The following SLC9B1 variants were observed in gnomAD, a reference collection of about 807,000 sequenced individuals.
SLC9B1 encodes the protein solute carrier family 9 member B1, also known as sodium/hydrogen exchanger 9B1.
SLC9B1 carries 32 observed loss-of-function variants against 51.7 expected under a neutral mutation model. That is an observed-to-expected ratio of 0.62 (90% CI 0.47 to 0.83). The LOEUF is 0.83. Among genes scored for constraint, SLC9B1 ranks in the 40% least tolerant of loss-of-function variants. SLC9B1 has a pLI of 0.00. For synonymous variants in SLC9B1, 145 were observed against 212.7 expected, an observed-to-expected ratio of 0.68 and a Z score of 2.77; for missense variants, 406 against 613.2, an observed-to-expected ratio of 0.66 and a Z score of 3.57.
At chr4:102,917,660 A>C (rs909923863) in intron 7 of SLC9B1, among the ~76,000 whole-genome samples, 3 of 152,040 alleles carry the variant, frequency 2.0e-5, no homozygotes, top group East Asian at 1.9e-4. Context: ...TATATATCTA[A>C]CTACCTACCT....
downstream of SLC9B1, among the ~76,000 whole-genome samples, chr4:102,900,447 A>G (rs1246123437): frequency 1.3e-5 from 2 of 152,250 alleles, no homozygotes; most frequent in Non-Finnish European, 2.9e-5. Flanking sequence ...AAAAAAATAT[A>G]GTTTACTTCC....
At chr4:102,920,916 A>T (rs1230506048) in intron 7 of SLC9B1, among the ~76,000 whole-genome samples, 2 of 152,276 alleles carry the variant, frequency 1.3e-5, no homozygotes. Context: ...CTATGTGAAA[A>T]GACCAAATCT....
At chr4:102,889,038 C>T (rs536121429) in intron 11 of SLC9B1, 13 of 152,350 alleles carry the variant, frequency 8.5e-5, no homozygotes, top group South Asian at 2.1e-4. Flanking sequence ...GTACCAGACA[C>T]TACACTAAGC....
chr4:103,011,773 G>A (rs964605105), intron 1 of SLC9B1, among the ~76,000 whole-genome samples: 2 of 152,178 alleles, frequency 1.3e-5, no homozygotes, highest in Non-Finnish European at 2.9e-5. Flanking sequence ...TGAGCCACAT[G>A]TGTGGAGCAG....
At chr4:102,962,953 C>A (rs1738217587) in intron 3 of SLC9B1, 7 of 463,126 alleles carry the variant, frequency 1.5e-5, no homozygotes, top group South Asian at 1.1e-4. Context: ...CCAACCCAGA[C>A]TTTATGGAAT....
Position 102,960,363 on chromosome 4 carries a change from C to A in SLC9B1, c.212-10936G>T, listed in dbSNP as rs568163811. Among the ~76,000 whole-genome samples the A allele has an allele frequency of 1.4e-3, 208 of 152,096 alleles. No homozygotes were observed. The Middle Eastern group carries it at 0.017, about 12-fold the overall frequency. On this transcript the variant is annotated intron_variant, in intron 3 of 11. Coordinates refer to ENST00000296422, the MANE Select transcript of SLC9B1 (RefSeq NM_139173.4). ...AGTAAAATGGCCAGAAACAGACTGGCAAAGGCTATGGAGTAATTAATCTCA... is the reference window on the plus strand; with the variant it reads ...AGTAAAATGGCCAGAAACAGACTGGAAAAGGCTATGGAGTAATTAATCTCA...
At chr4:102,899,413 T>C (rs1371101443), downstream of SLC9B1, among the ~76,000 whole-genome samples, 1 of 149,542 alleles carries the variant, frequency 6.7e-6, no homozygotes, top group Non-Finnish European at 1.5e-5. Context: ...ATATATATAT[T>C]TTATTATTAT....
chr4:102,931,225 CA>C (rs34843459), intron 7 of SLC9B1, among the ~76,000 whole-genome samples: 381 of 122,550 alleles, frequency 3.1e-3, no homozygotes, highest in Admixed American at 5.2e-3. Context: ...GACTCCGCCT[CA>C]AAAAAAAAAA....
intron 3 of SLC9B1, among the ~76,000 whole-genome samples, chr4:102,981,449 A>G (rs954503150): frequency 6.6e-6 from 1 of 152,150 alleles, no homozygotes; most frequent in African/African-American, 2.4e-5. Flanking sequence ...AAGGGGCTGT[A>G]CAGTTTGTAC....
intron 1 of SLC9B1, among the ~76,000 whole-genome samples, chr4:103,014,069 G>A (rs1054133359): frequency 6.6e-6 from 1 of 152,118 alleles, no homozygotes; most frequent in African/African-American, 2.4e-5. Flanking sequence ...GAAGAAAAAT[G>A]TTAAAACTCC....
At chr4:102,899,107 T>G (rs951782082), downstream of SLC9B1, among the ~76,000 whole-genome samples, 1 of 150,862 alleles carries the variant, frequency 6.6e-6, no homozygotes, top group African/African-American at 2.4e-5. Context: ...TAAATTATAT[T>G]AATAAATTTT....
At chr4:102,966,320 C>A (rs562413294) in intron 3 of SLC9B1, among the ~76,000 whole-genome samples, 1 of 151,878 alleles carries the variant, frequency 6.6e-6, no homozygotes, top group South Asian at 2.1e-4. Context: ...TCCTTAAAAT[C>A]TAGGTGGAAG....
At chr4:102,978,740 A>G (rs369177012) in intron 3 of SLC9B1, among the ~76,000 whole-genome samples, 87 of 152,318 alleles carry the variant, frequency 5.7e-4, no homozygotes, top group Non-Finnish European at 1.0e-3. Flanking sequence ...TTCAACCATT[A>G]TGGAAGTCAG....
At chr4:102,968,982 A>T (rs1738590609) in intron 3 of SLC9B1, among the ~76,000 whole-genome samples, 1 of 152,036 alleles carries the variant, frequency 6.6e-6, no homozygotes, top group Non-Finnish European at 1.5e-5. Context: ...GGGCTGGGGG[A>T]GGGGCGTCCA....
chr4:103,019,491 G>A lies in SLC9B1; in HGVS notation c.-2+108C>T, dbSNP rs548362807. The A allele has an allele frequency of 9.7e-6, 7 of 719,778 alleles. No individual in the cohort carries two copies. The African/African-American group carries it at 1.1e-4, about 12-fold the overall frequency. The allele number at this position is 719,778 out of a possible 1,614,324, so 44.6% of individuals were successfully genotyped here. ...GAGCCCAAGAATCCCATTGAACTGAGGGGGAGGAAAGGCCCTCCTGCGGCC... is the reference window on the plus strand; with the variant it reads ...GAGCCCAAGAATCCCATTGAACTGAAGGGGAGGAAAGGCCCTCCTGCGGCC... On this transcript the variant is annotated intron_variant, in intron 1 of 11. Transcript: ENST00000296422.
At position 102,894,381 on chromosome 4, in the gene SLC9B1, T is replaced by A. The variant is rs1423929820; in HGVS notation, c.1333-9053A>T. Among the ~76,000 whole-genome samples, 3 of 152,162 alleles carry A rather than the reference T, an allele frequency of 2.0e-5. No homozygotes were observed. The East Asian group carries it at 5.8e-4, about 29-fold the overall frequency. On this transcript the variant is annotated intron_variant, in intron 11 of 11. Coordinates refer to the SLC9B1 transcript ENST00000394789. Reference sequence around the variant, plus strand: ...GTAACAAGATTTTTAAATGAAATAATCAGTATAAATATATAGAAAACTTTT... The same window carrying A: ...GTAACAAGATTTTTAAATGAAATAAACAGTATAAATATATAGAAAACTTTT...
intron 6 of SLC9B1, among the ~76,000 whole-genome samples, chr4:102,938,658 G>T (rs1217524927): frequency 1.3e-5 from 2 of 152,026 alleles, no homozygotes; most frequent in Non-Finnish European, 2.9e-5. Context: ...GAAAACCCCT[G>T]AAATCAGGCC....
chr4:102,941,143 A>T (rs1736975356), intron 6 of SLC9B1, among the ~76,000 whole-genome samples: 1 of 152,186 alleles, frequency 6.6e-6, no homozygotes, highest in South Asian at 2.1e-4. Context: ...ACAAAAACAA[A>T]AATTGACAAA....
rs749203965 is a variant in SLC9B1, at chr4:102,975,565, CATAT to C, written c.211+14231_211+14234del. Among the ~76,000 whole-genome samples, 236 of 99,570 alleles carry C rather than the reference CATAT, an allele frequency of 2.4e-3. 3 individuals are homozygous for C. The highest frequency in any genetic ancestry group is 0.011 in the Middle Eastern group (2 of 178). The allele number at this position is 99,570 out of a possible 152,430, so 65.3% of individuals were successfully genotyped here. ...ACTATATCTATAATGATTATATATA[CATAT>C]ATATATATATATATATATTTTTTTT... On this transcript the variant is annotated intron_variant, in intron 3 of 11. Transcript: ENST00000296422.
Sources: gnomAD v4.1 joint callset for allele counts (sites outside exome capture counted in the v4.1 genomes callset) on GRCh38, gnomAD v4.1.1 for gene constraint, MANE v1.5 for transcripts, NCBI Gene and HGNC (gene_info 2026-07-23, HGNC 2026-07-21) for gene names.